The following NTN1 variants were observed in gnomAD, a reference collection of about 807,000 sequenced individuals.
The protein encoded by NTN1 is netrin 1.
A neutral mutation model predicts 54.2 loss-of-function variants in NTN1; 11 were observed. The observed-to-expected ratio is 0.20, with a 90% CI of 0.13 to 0.34. The LOEUF is 0.34. Ranked by LOEUF, NTN1 falls within the 10% of genes least tolerant of loss-of-function variation. NTN1 has a pLI of 1.00. For missense variants in NTN1, 740 were observed against 893.1 expected (o/e 0.83, Z 2.18); for synonymous variants, 371 against 382.0 (o/e 0.97, Z 0.33).
At chr17:9,115,146 C>G (rs1398148330) in intron 2 of NTN1, among the ~76,000 whole-genome samples, 1 of 152,210 alleles carries the variant, frequency 6.6e-6, no homozygotes, top group Non-Finnish European at 1.5e-5. Context: ...TCTGCCTCAG[C>G]TCCTTGAGAG....
intron 2 of NTN1, among the ~76,000 whole-genome samples, chr17:9,103,969 G>T (rs1427872873): frequency 1.3e-5 from 2 of 150,932 alleles, no homozygotes; most frequent in East Asian, 3.9e-4. Context: ...GATGCCTGTA[G>T]TCCCAGAGAC....
intron 2 of NTN1, among the ~76,000 whole-genome samples, chr17:9,116,725 C>T (rs573392385): frequency 1.3e-5 from 2 of 152,290 alleles, no homozygotes; most frequent in African/African-American, 4.8e-5. Context: ...GTTTGTGTTG[C>T]TTGGGGACTG....
At chr17:9,111,925 C>G (rs545645210) in intron 2 of NTN1, among the ~76,000 whole-genome samples, 1 of 152,166 alleles carries the variant, frequency 6.6e-6, no homozygotes, top group Non-Finnish European at 1.5e-5. Flanking sequence ...TGGACCCACA[C>G]AATTCAAACC....
At chr17:9,034,642 C>T (rs1293026841) in intron 2 of NTN1, among the ~76,000 whole-genome samples, 3 of 151,784 alleles carry the variant, frequency 2.0e-5, no homozygotes, top group Non-Finnish European at 2.9e-5. Context: ...AGGCTGGTCT[C>T]GAACTCTTGA....
chr17:9,010,268 G>T, the NTN1 span, among the ~76,000 whole-genome samples: 1 of 152,178 alleles, frequency 6.6e-6, no homozygotes, highest in Non-Finnish European at 1.5e-5. Flanking sequence ...CCTGTGTCTT[G>T]GCTACTGTTC....
chr17:9,197,520 C>T (rs545453704), intron 5 of NTN1, among the ~76,000 whole-genome samples: 7 of 152,056 alleles, frequency 4.6e-5, no homozygotes, highest in African/African-American at 1.4e-4. Flanking sequence ...ATTAGCCAGG[C>T]GTGGTGGAGG....
chr17:9,024,834 C>A (rs530472542), intron 2 of NTN1, among the ~76,000 whole-genome samples: 1 of 152,328 alleles, frequency 6.6e-6, no homozygotes, highest in South Asian at 2.1e-4. Flanking sequence ...AGTCTGAAGA[C>A]ACTTTTCAAG....
chr17:9,235,146 G>A (rs1245948941), intron 6 of NTN1, among the ~76,000 whole-genome samples: 1 of 151,926 alleles, frequency 6.6e-6, no homozygotes, highest in African/African-American at 2.4e-5. Context: ...TGTATTTGTA[G>A]TAGAGACAGG....
chr17:9,006,360 C>A, the NTN1 span, among the ~76,000 whole-genome samples: 5 of 152,216 alleles, frequency 3.3e-5, no homozygotes, highest in Non-Finnish European at 7.3e-5. Flanking sequence ...GTCGCTGAGA[C>A]TATCCAGATG....
At chr17:9,180,077 C>T (rs1255824092) in intron 4 of NTN1, 121 bp downstream of exon 4, 19 of 1,153,266 alleles carry the variant, frequency 1.6e-5, no homozygotes, top group Middle Eastern at 2.0e-4. Context: ...CTCACTGTGT[C>T]GCCCAGGCTG....
At chr17:9,127,838 C>T (rs74252684) in intron 2 of NTN1, among the ~76,000 whole-genome samples, 17,469 of 151,962 alleles carry the variant, frequency 0.11, 1,377 homozygotes, top group South Asian at 0.19. Context: ...CTAGGTTGGT[C>T]GGGCACAGTG....
chr17:9,134,919 G>A (rs2092276405), intron 2 of NTN1, among the ~76,000 whole-genome samples: 2 of 152,150 alleles, frequency 1.3e-5, no homozygotes, highest in African/African-American at 2.4e-5. Context: ...AGGTGAGAAA[G>A]CTTATTCCAG....
intron 5 of NTN1, among the ~76,000 whole-genome samples, chr17:9,201,190 T>G (rs1904774201): frequency 6.6e-6 from 1 of 152,148 alleles, no homozygotes; most frequent in African/African-American, 2.4e-5. Context: ...CGAATGCAGA[T>G]TTGGTCTCTA....
In NTN1 at chr17:9,202,071, A is replaced by C. The variant is rs1184161122; in HGVS notation, c.1412-19097A>C. ...ACACACACACAAAAAAAAAAAAAAA[A>C]AAAAAAAAAAAAAAAAAAACTTAGC... On this transcript the variant is annotated intron_variant, in intron 5 of 6. Coordinates refer to ENST00000173229, the MANE Select transcript of NTN1 (RefSeq NM_004822.3). Among the ~76,000 whole-genome samples, 305 of 117,786 alleles carry C rather than the reference A, an allele frequency of 2.6e-3. 1 individual carries two copies. Among genetic ancestry groups the C allele is most frequent in the Middle Eastern group, 8.3e-3 (2 of 240 alleles). 77.3% of individuals were successfully genotyped at this position (117,786 alleles called of 152,430 possible). A position where few individuals can be genotyped will look rare whatever the true frequency, so the allele number is the denominator to read the frequency against.
intron 2 of NTN1, among the ~76,000 whole-genome samples, chr17:9,149,069 G>A (rs866608901): frequency 2.0e-5 from 3 of 151,974 alleles, no homozygotes; most frequent in East Asian, 1.9e-4. Flanking sequence ...CTGGAGTCCC[G>A]CCTTGAATCT....
chr17:9,124,618 G>A (rs1317909728), intron 2 of NTN1, among the ~76,000 whole-genome samples: 1 of 152,196 alleles, frequency 6.6e-6, no homozygotes. Context: ...ATCCTGCATA[G>A]GCCTCCTAGT....
At chr17:9,080,861 T>C (rs1273046840) in intron 2 of NTN1, among the ~76,000 whole-genome samples, 1 of 152,208 alleles carries the variant, frequency 6.6e-6, no homozygotes, top group Non-Finnish European at 1.5e-5. Flanking sequence ...TAGAGGGTGA[T>C]GGTCCCAGGG....
At chr17:9,225,255 A>G (rs1007226189) in intron 6 of NTN1, among the ~76,000 whole-genome samples, 1 of 135,664 alleles carries the variant, frequency 7.4e-6, no homozygotes, top group African/African-American at 3.0e-5. Flanking sequence ...ACTCTGTCTC[A>G]AAAAAAAAAA....
chr17:9,038,221 G>A (rs72809946), intron 2 of NTN1, among the ~76,000 whole-genome samples: 1 of 46,512 alleles, frequency 2.1e-5, no homozygotes, highest in Non-Finnish European at 4.3e-5. Context: ...CTCTCTCTCT[G>A]TGTCTCTCTC....
Sources: allele counts gnomAD v4.1 joint callset (sites outside exome capture counted in the v4.1 genomes callset), GRCh38; gene constraint gnomAD v4.1.1; transcripts MANE v1.5; gene names NCBI Gene and HGNC (gene_info 2026-07-23, HGNC 2026-07-21).